TIMM23B: variants seen among roughly 807,000 people sequenced by gnomAD.
TIMM23B encodes translocase of inner mitochondrial membrane 23 homolog B.
In TIMM23B, 27 loss-of-function variants were observed where a neutral mutation model predicts 27.3. The ratio of observed to expected loss-of-function variants is 0.99; its 90% CI spans 0.73 to 1.36. The LOEUF (loss-of-function observed/expected upper bound fraction) is 1.36. Ranked by LOEUF, TIMM23B falls within the 40% of genes most tolerant of loss-of-function variation. TIMM23B has a pLI of 0.00. For synonymous variants in TIMM23B, 73 were observed against 92.4 expected (o/e 0.79, Z 1.21); for missense variants, 205 against 244.2 (o/e 0.84, Z 1.07).
chr10:49,949,915 G>A (rs1589030999), intron 2 of TIMM23B, among the ~76,000 whole-genome samples: 1 of 151,488 alleles, frequency 6.6e-6, no homozygotes, highest in Non-Finnish European at 1.5e-5. Context: ...GAACTCCTGG[G>A]TTCAAGCAGT....
chr10:49,952,508 G>A lies in TIMM23B; in HGVS notation c.319G>A (p.Ala107Thr), dbSNP rs1265462952. 1.9e-6 allele frequency: 3 copies of A among 1,613,046 alleles called. No individual in the cohort carries two copies. Among genetic ancestry groups the A allele is most frequent in the Non-Finnish European group, 1.7e-6 (2 of 1,179,426 alleles). ...AGGATTGAAGGAAACCCAGAACATGGCCTGGTCCAAACCAGGAAATGTACA... is the reference window on the plus strand; with the variant it reads ...AGGATTGAAGGAAACCCAGAACATGACCTGGTCCAAACCAGGAAATGTACA... The part of the protein sequence containing the change: ...RLGLKETQNM[A>T]WSKPGNVQIL... Residue 107 changes from alanine (A) to threonine (T), a missense_variant, in exon 4 of 7, where the codon GCC becomes ACC. Physicochemically the swap from Ala to Thr is moderately conservative, Grantham distance 58. Transcript: ENST00000651259.
intron 6 of TIMM23B, among the ~76,000 whole-genome samples, chr10:49,969,805 T>A (rs1229922639): frequency 1.3e-5 from 2 of 151,798 alleles, no homozygotes; most frequent in Admixed American, 6.6e-5. Flanking sequence ...ACGGTCTCCC[T>A]CTCCCTCTCT....
At position 49,942,252 on chromosome 10, in the gene TIMM23B, G is replaced by T. The variant is rs1447854243; in HGVS notation, c.58G>T (p.Gly20Ter). The T allele has an allele frequency of 8.7e-6, 14 of 1,612,784 alleles. No individual in the cohort carries two copies. Among genetic ancestry groups the T allele is most frequent in the Non-Finnish European group, 6.8e-6 (8 of 1,179,372 alleles). The change falls in exon 1 of 7, where the codon GGA becomes TGA. Residue 20 changes from glycine (G) to a stop codon, truncating the protein, a stop_gained. Coordinates refer to ENST00000651259, the MANE Select transcript of TIMM23B (RefSeq NM_001290117.2). LOFTEE classifies it high-confidence loss of function. ...CACAGGGGTATTGGCCGGCTTTTTC[G>T]GAGCCGGCGAAGCAGGTTACTCGCA... The part of the protein sequence containing the change: ...KTTGVLAGFF[G>*]AGEAGYSHAD...
At chr10:49,961,036 G>T (rs1839878574) in intron 6 of TIMM23B, among the ~76,000 whole-genome samples, 1 of 152,118 alleles carries the variant, frequency 6.6e-6, no homozygotes, top group South Asian at 2.1e-4. Flanking sequence ...AAGTCAAAAT[G>T]GTCCAGGAAA....
chr10:49,969,069 A>G (rs1215340884), intron 6 of TIMM23B, among the ~76,000 whole-genome samples: 2 of 131,858 alleles, frequency 1.5e-5, no homozygotes, highest in Admixed American at 1.4e-4. Flanking sequence ...TTTTATTTTC[A>G]CCTAAGCCAT....
intron 6 of TIMM23B, among the ~76,000 whole-genome samples, chr10:49,961,281 G>C (rs1178413640): frequency 0.022 from 3,293 of 149,136 alleles, 56 homozygotes; most frequent in Non-Finnish European, 0.035. Context: ...TACTCGGGAG[G>C]CTGAGGCAGG....
chr10:49,969,391 T>G (rs1473461403), intron 6 of TIMM23B, among the ~76,000 whole-genome samples: 3 of 148,378 alleles, frequency 2.0e-5, no homozygotes, highest in African/African-American at 5.0e-5. Context: ...GTGCCTTCAT[T>G]GTGCCACTGC....
chr10:49,968,935 G>A lies in TIMM23B; in HGVS notation c.515-4077G>A, dbSNP rs1208805590. ...TACCTTGCTCATCTATAAAATTGCG[G>A]TATGATGATTATCAATTTACAGGAT... is the stretch of plus-strand genomic sequence containing the variant. On this transcript the variant is annotated intron_variant, in intron 6 of 6. Coordinates refer to ENST00000651259, the MANE Select transcript of TIMM23B (RefSeq NM_001290117.2). 2.0e-5 allele frequency among the ~76,000 whole-genome samples: 3 copies of A among 152,198 alleles called. No homozygotes were observed. The East Asian group carries it at 5.8e-4, about 29-fold the overall frequency.
At chr10:49,959,507 T>C (rs1316530215) in intron 6 of TIMM23B, among the ~76,000 whole-genome samples, 13 of 152,248 alleles carry the variant, frequency 8.5e-5, no homozygotes, top group Non-Finnish European at 1.5e-4. Context: ...AGCTTTTTTA[T>C]TGTGTTGATA....
Position 49,973,039 on chromosome 10 carries a change from T to G in TIMM23B, c.542T>G (p.Phe181Cys), listed in dbSNP as rs1554856856. ...TCAGAGATGGCTTTGGATTCCCCGT[T>G]CTGTGTGCTGCTGTCTGGCTCCTGA... is the stretch of plus-strand genomic sequence containing the variant. ...TVSEMALDSP[F>C]CVLLSGS Residue 181 changes from phenylalanine to cysteine, a missense_variant, in exon 7 of 7, where the codon TTC becomes TGC. Physicochemically the swap from Phe to Cys is radical, Grantham distance 205. Coordinates refer to ENST00000651259, the MANE Select transcript of TIMM23B (RefSeq NM_001290117.2). The G allele has an allele frequency of 4.6e-6, 7 of 1,533,162 alleles. No homozygotes were observed. The highest frequency in any genetic ancestry group is 6.1e-6 in the Non-Finnish European group (7 of 1,146,364). 95.0% of individuals were successfully genotyped at this position (1,533,162 alleles called of 1,614,324 possible).
Position 49,942,428 on chromosome 10 carries a change from G to C in TIMM23B, c.106+128G>C, listed in dbSNP as rs2133035908. On this transcript the variant is annotated intron_variant, in intron 1 of 6. Transcript: ENST00000651259. ...GGCGTTTACAAGCTTAAGTACCAGT[G>C]GTGGGGTTAGTGTATCTGCATGGCT... 3.3e-6 allele frequency: 5 copies of C among 1,510,382 alleles called. No individual in the cohort carries two copies. The South Asian group carries it at 6.2e-5, about 19-fold the overall frequency. 93.6% of individuals were successfully genotyped at this position (1,510,382 alleles called of 1,614,324 possible).
chr10:49,957,658 G>C (rs1170353918), intron 5 of TIMM23B, among the ~76,000 whole-genome samples: 3 of 152,130 alleles, frequency 2.0e-5, no homozygotes, highest in African/African-American at 7.2e-5. Context: ...ACTGGAGTTG[G>C]GGTGCACTAG....
intron 2 of TIMM23B, among the ~76,000 whole-genome samples, chr10:49,947,048 G>A (rs1419325754): frequency 5.3e-5 from 8 of 152,178 alleles, no homozygotes; most frequent in Non-Finnish European, 1.2e-4. Flanking sequence ...CAGGGGAGAC[G>A]TTAGGACAAC....
chr10:49,956,100 T>C (rs1839711992), intron 5 of TIMM23B, among the ~76,000 whole-genome samples: 1 of 120,908 alleles, frequency 8.3e-6, no homozygotes, highest in African/African-American at 3.2e-5. Flanking sequence ...TGTGTACCCA[T>C]TGTGGTATGA....
At chr10:49,971,627 T>C (rs1471772517) in intron 6 of TIMM23B, among the ~76,000 whole-genome samples, 4 of 152,212 alleles carry the variant, frequency 2.6e-5, no homozygotes, top group Non-Finnish European at 5.9e-5. Flanking sequence ...ATCCTAGGAA[T>C]CCTGTATTGC....
intron 2 of TIMM23B, among the ~76,000 whole-genome samples, chr10:49,950,369 A>G (rs1839487172): frequency 6.6e-6 from 1 of 150,566 alleles, no homozygotes; most frequent in Non-Finnish European, 1.5e-5. Flanking sequence ...TACATTCAGT[A>G]TATTAACATA....
intron 6 of TIMM23B, among the ~76,000 whole-genome samples, chr10:49,962,433 C>T (rs1313181521): frequency 1.3e-5 from 2 of 152,080 alleles, no homozygotes; most frequent in Admixed American, 6.5e-5. Context: ...GATCCCCTGA[C>T]CTCATGATCC....
chr10:49,969,550 C>G (rs1209822563), intron 6 of TIMM23B, among the ~76,000 whole-genome samples: 1 of 150,422 alleles, frequency 6.6e-6, no homozygotes, highest in Non-Finnish European at 1.5e-5. Flanking sequence ...ACTAAAAATA[C>G]AAAAAATGAG....
intron 4 of TIMM23B, among the ~76,000 whole-genome samples, chr10:49,953,280 T>G (rs1375400401): frequency 6.6e-6 from 1 of 152,236 alleles, no homozygotes; most frequent in African/African-American, 2.4e-5. Context: ...TCCTTTCATA[T>G]TGTTCACCCA....
Sources: allele counts gnomAD v4.1 joint callset (sites outside exome capture counted in the v4.1 genomes callset), GRCh38; gene constraint gnomAD v4.1.1; transcripts MANE v1.5; gene names NCBI Gene and HGNC (gene_info 2026-07-23, HGNC 2026-07-21).